EYA3: variants seen among roughly 807,000 people sequenced by gnomAD.
The protein encoded by EYA3 is protein phosphatase EYA3.
In EYA3, 39 loss-of-function variants were observed where a neutral mutation model predicts 80.0. The observed-to-expected ratio is 0.49, with a 90% CI of 0.38 to 0.64. The LOEUF (loss-of-function observed/expected upper bound fraction) is 0.64. EYA3 is among the 30% of genes least tolerant of loss of function. The pLI is 0.00. For missense variants in EYA3, 523 were observed against 676.1 expected (o/e 0.77, Z 2.51); for synonymous variants, 206 against 232.8 (o/e 0.88, Z 1.05).
At chr1:28,021,648 G>A (rs1365492881) in intron 7 of EYA3, among the ~76,000 whole-genome samples, 1 of 151,254 alleles carries the variant, frequency 6.6e-6, no homozygotes, top group Admixed American at 6.6e-5. Context: ...CTGTCACCCC[G>A]GCTGGAGTGC....
chr1:28,062,974 G>A (rs972045258), intron 1 of EYA3, among the ~76,000 whole-genome samples: 2 of 148,810 alleles, frequency 1.3e-5, no homozygotes, highest in Admixed American at 6.8e-5. Context: ...TGCACTCCAG[G>A]CTGGGCGACA....
chr1:27,994,656 C>T (rs1343483761), intron 13 of EYA3, among the ~76,000 whole-genome samples: 1 of 152,162 alleles, frequency 6.6e-6, no homozygotes, highest in Non-Finnish European at 1.5e-5. Flanking sequence ...CACTGCACTT[C>T]AGCTTGCGGG....
chr1:28,037,966 G>A (rs763888421), intron 5 of EYA3, among the ~76,000 whole-genome samples: 2 of 151,980 alleles, frequency 1.3e-5, no homozygotes, highest in African/African-American at 2.4e-5. Context: ...TCTTTATTAC[G>A]CACAATAGGT....
In EYA3 at chr1:28,010,788, C is replaced by T. The variant is rs1476558667; in HGVS notation, c.909+159G>A. 8 of 733,654 alleles carry T rather than the reference C, an allele frequency of 1.1e-5. No homozygotes were observed. The African/African-American group carries it at 1.2e-4, about 11-fold the overall frequency. The allele number at this position is 733,654 out of a possible 1,614,324, so 45.4% of individuals were successfully genotyped here. A position where few individuals can be genotyped will look rare whatever the true frequency, so the allele number is the denominator to read the frequency against. On this transcript the variant is annotated intron_variant, in intron 10 of 17. Transcript: ENST00000373871. ...TATACAGAATAATTTGTTCTTTTTA[C>T]ATTTTTCTTTTAACGTGGCCAATTT...
intron 11 of EYA3, among the ~76,000 whole-genome samples, chr1:28,002,720 G>C (rs1408135815): frequency 1.3e-5 from 2 of 152,090 alleles, no homozygotes; most frequent in Non-Finnish European, 2.9e-5. Context: ...ACTGAGGCAG[G>C]AGGATTGCTT....
intron 7 of EYA3, among the ~76,000 whole-genome samples, chr1:28,021,955 C>T (rs1642465813): frequency 6.6e-6 from 1 of 151,896 alleles, no homozygotes; most frequent in East Asian, 1.9e-4. Flanking sequence ...CTAAAACTTA[C>T]TCTCATTATG....
chr1:28,051,793 CATATCCAGGGAAAGAAGA>C (rs753001002), intron 2 of EYA3, among the ~76,000 whole-genome samples: 15 of 151,978 alleles, frequency 9.9e-5, no homozygotes, highest in Non-Finnish European at 1.9e-4. Context: ...AAAGACACCC[CATATCCAGGGAAAGAAGA>C]ATTCATCTTG....
At chr1:28,058,580 G>C (rs1644510229) in intron 1 of EYA3, among the ~76,000 whole-genome samples, 1 of 152,088 alleles carries the variant, frequency 6.6e-6, no homozygotes, top group Non-Finnish European at 1.5e-5. Context: ...CCAACTATCT[G>C]TCTATATGTC....
intron 7 of EYA3, among the ~76,000 whole-genome samples, chr1:28,026,020 A>G (rs1642764793): frequency 1.3e-5 from 2 of 152,162 alleles, no homozygotes; most frequent in Admixed American, 1.3e-4. Context: ...CGGCCTCCCA[A>G]AGTGCTAGGA....
intron 16 of EYA3, among the ~76,000 whole-genome samples, chr1:27,982,264 C>T (rs11587919): frequency 1.3e-5 from 2 of 151,950 alleles, no homozygotes; most frequent in Non-Finnish European, 2.9e-5. Context: ...TCCCAAAGTG[C>T]TAGGATTACA....
Position 27,976,961 on chromosome 1 carries a change from G to T in EYA3, c.1641+1413C>A, listed in dbSNP as rs1352455747. On this transcript the variant is annotated intron_variant, in intron 17 of 17. Transcript: ENST00000373871. Reference sequence around the variant, plus strand: ...TCGAACTCCTGACCTCAGGTGATTTGCCTGCCTCAGCCTCCCCAAGTGCTA... The same window carrying T: ...TCGAACTCCTGACCTCAGGTGATTTTCCTGCCTCAGCCTCCCCAAGTGCTA... The T allele has an allele frequency of 1.1e-5, 10 of 932,142 alleles. No individual in the cohort carries two copies. The African/African-American group carries it at 1.8e-4, about 17-fold the overall frequency. 57.7% of individuals were successfully genotyped at this position (932,142 alleles called of 1,614,324 possible). A position where few individuals can be genotyped will look rare whatever the true frequency, so the allele number is the denominator to read the frequency against.
At chr1:28,003,905 T>C (rs1258449820) in intron 11 of EYA3, among the ~76,000 whole-genome samples, 1 of 152,180 alleles carries the variant, frequency 6.6e-6, no homozygotes, top group Non-Finnish European at 1.5e-5. Context: ...TTTAGAAAGA[T>C]ATTTTATCTA....
At chr1:27,992,191 A>T (rs1640115185) in intron 14 of EYA3, among the ~76,000 whole-genome samples, 1 of 152,082 alleles carries the variant, frequency 6.6e-6, no homozygotes, top group South Asian at 2.1e-4. Flanking sequence ...CTTGAGTAAA[A>T]TACCTCTAGG....
intron 9 of EYA3, among the ~76,000 whole-genome samples, chr1:28,011,519 C>T (rs939525518): frequency 3.9e-5 from 6 of 152,104 alleles, no homozygotes; most frequent in East Asian, 1.9e-4. Flanking sequence ...CCAGAAGCAC[C>T]GCCCCACCTA....
intron 13 of EYA3, among the ~76,000 whole-genome samples, chr1:27,995,459 G>A (rs917247708): frequency 2.7e-5 from 4 of 150,806 alleles, no homozygotes; most frequent in African/African-American, 9.7e-5. Context: ...AGTACAAGCT[G>A]GGTGTAGTTG....
Position 28,009,653 on chromosome 1 carries a change from A to C in EYA3, c.909+1294T>G, listed in dbSNP as rs1392728171. Among the ~76,000 whole-genome samples the C allele has an allele frequency of 6.6e-6, 1 of 152,076 alleles. No homozygotes were observed. The highest frequency in any genetic ancestry group is 1.9e-4 in the East Asian group (1 of 5,192). On this transcript the variant is annotated intron_variant, in intron 10 of 17. Transcript: ENST00000373871. The surrounding 1 kb of genome is among the most constrained non-coding windows in gnomAD (Gnocchi z 4.8). ...ACTCCATCTCAAAACAACAACAACA[A>C]CAACAACAACAACAAAAAACCATTA...
intron 1 of EYA3, among the ~76,000 whole-genome samples, chr1:28,079,842 C>T (rs564673361): frequency 6.6e-6 from 1 of 150,720 alleles, no homozygotes; most frequent in Non-Finnish European, 1.5e-5. Flanking sequence ...GTTGCCCAGG[C>T]TAGTCTTGAA....
At chr1:28,083,014 G>T (rs1456601711) in intron 1 of EYA3, among the ~76,000 whole-genome samples, 1 of 152,126 alleles carries the variant, frequency 6.6e-6, no homozygotes, top group Non-Finnish European at 1.5e-5. Context: ...ACCAAAAGCA[G>T]TATTCTTTTG....
chr1:28,009,785 CAG>C lies in EYA3; in HGVS notation c.909+1160_909+1161del, dbSNP rs1227523535. On this transcript the variant is annotated intron_variant, in intron 10 of 17. Coordinates refer to ENST00000373871, the MANE Select transcript of EYA3 (RefSeq NM_001990.4). The surrounding 1 kb of genome is among the most constrained non-coding windows in gnomAD (Gnocchi z 4.8). ...AGACAGAAAGTAGAATAGAGGTTAC[CAG>C]AGGTTAGAAGAAGGGGAGAATGGGG... Among the ~76,000 whole-genome samples, 1 of 152,036 alleles carries C rather than the reference CAG, an allele frequency of 6.6e-6. No homozygotes were observed. The highest frequency in any genetic ancestry group is 1.5e-5 in the Non-Finnish European group (1 of 68,014).
Sources: gnomAD v4.1 joint callset for allele counts (sites outside exome capture counted in the v4.1 genomes callset) on GRCh38, gnomAD v4.1.1 for gene constraint, Gnocchi (gnomAD v3.1) non-coding constraint, MANE v1.5 for transcripts, NCBI Gene and HGNC (gene_info 2026-07-23, HGNC 2026-07-21) for gene names.